GNAT3: variants seen among roughly 807,000 people sequenced by gnomAD.
GNAT3 encodes the protein G protein subunit alpha transducin 3.
Under a neutral mutation model 37.7 loss-of-function variants are expected in GNAT3, and 31 were observed. That is an observed-to-expected ratio of 0.82 (90% confidence interval 0.62 to 1.11). The LOEUF (loss-of-function observed/expected upper bound fraction) is 1.11. Ranked by LOEUF, GNAT3 falls within the 50% of genes most tolerant of loss-of-function variation. The pLI, the probability that GNAT3 is intolerant of heterozygous loss-of-function variation, is 0.00. For missense variants in GNAT3, 437 were observed against 412.5 expected (o/e 1.06, Z -0.51); for synonymous variants, 138 against 139.8 (o/e 0.99, Z 0.09).
At chr7:80,508,634 T>A (rs758388322) in intron 1 of GNAT3, among the ~76,000 whole-genome samples, 1 of 152,056 alleles carries the variant, frequency 6.6e-6, no homozygotes, top group Non-Finnish European at 1.5e-5. Context: ...AAAAGCCTAC[T>A]TTTTGCTAAA....
intron 3 of GNAT3, among the ~76,000 whole-genome samples, chr7:80,483,187 TC>T (rs902195000): frequency 2.6e-5 from 4 of 152,084 alleles, no homozygotes; most frequent in Non-Finnish European, 4.4e-5. Flanking sequence ...TTTAAAAGCT[TC>T]AAGGTGACGC....
intron 1 of GNAT3, among the ~76,000 whole-genome samples, chr7:80,503,728 G>C (rs80035116): frequency 0.021 from 3,130 of 152,282 alleles, 103 homozygotes; most frequent in African/African-American, 0.071. Context: ...GCAAAGTAAA[G>C]TTGGGAAATT....
chr7:80,473,109 A>C (rs948596134), intron 5 of GNAT3, among the ~76,000 whole-genome samples: 1 of 152,146 alleles, frequency 6.6e-6, no homozygotes, highest in African/African-American at 2.4e-5. Flanking sequence ...GCCAAAAAGA[A>C]CTATACAATA....
intron 5 of GNAT3, among the ~76,000 whole-genome samples, chr7:80,469,799 A>G (rs752415451): frequency 3.9e-5 from 6 of 152,244 alleles, no homozygotes; most frequent in Middle Eastern, 3.4e-3. Context: ...TTGAAATACT[A>G]CAGAATTGTA....
chr7:80,509,889 C>T (rs1296135449), intron 1 of GNAT3, among the ~76,000 whole-genome samples: 4 of 151,950 alleles, frequency 2.6e-5, no homozygotes, highest in Admixed American at 2.0e-4. Flanking sequence ...GTGTCCAACA[C>T]GATATGTTGA....
At chr7:80,460,818 A>G (rs1790035749) in intron 7 of GNAT3, among the ~76,000 whole-genome samples, 1 of 152,170 alleles carries the variant, frequency 6.6e-6, no homozygotes, top group East Asian at 1.9e-4. Context: ...AATATAATTC[A>G]TCAATTGTAA....
intron 3 of GNAT3, chr7:80,487,815 CTT>C: frequency 6.6e-6 from 1 of 151,804 alleles, no homozygotes; most frequent in Non-Finnish European, 1.5e-5. Context: ...CTCCGTTACT[CTT>C]TTTTTTGGGT....
chr7:80,468,229 A>G (rs1002478059), intron 5 of GNAT3, among the ~76,000 whole-genome samples: 13 of 152,072 alleles, frequency 8.5e-5, no homozygotes, highest in Non-Finnish European at 1.5e-4. Flanking sequence ...TTTACGGTTT[A>G]TGTTAAACAG....
intron 6 of GNAT3, 60 bp downstream of exon 6, chr7:80,462,442 T>C: frequency 6.3e-7 from 1 of 1,588,040 alleles, no homozygotes; most frequent in East Asian, 2.2e-5. Context: ...AATGTGGTAG[T>C]ACTACTGAAA....
At chr7:80,511,727 G>A (rs529422725) in intron 1 of GNAT3, 82 bp downstream of exon 1, 37 of 792,508 alleles carry the variant, frequency 4.7e-5, no homozygotes, top group South Asian at 2.3e-4. Context: ...TAATACACTC[G>A]AAATTAAAGT....
At chr7:80,497,670 A>G (rs1480946476) in intron 1 of GNAT3, among the ~76,000 whole-genome samples, 3 of 108,982 alleles carry the variant, frequency 2.8e-5, no homozygotes, top group Non-Finnish European at 5.3e-5. Context: ...ATACGTATAT[A>G]CATACATATA....
intron 2 of GNAT3, among the ~76,000 whole-genome samples, chr7:80,490,858 A>G (rs1336459793): frequency 6.6e-6 from 1 of 152,186 alleles, no homozygotes; most frequent in Admixed American, 6.5e-5. Context: ...CATGATGCTC[A>G]GCCTTCTATA....
chr7:80,498,919 T>C (rs192050787), intron 1 of GNAT3, among the ~76,000 whole-genome samples: 2 of 152,202 alleles, frequency 1.3e-5, no homozygotes, highest in Non-Finnish European at 2.9e-5. Context: ...TCTACATTTT[T>C]AAATCTGAAA....
intron 7 of GNAT3, among the ~76,000 whole-genome samples, chr7:80,460,952 A>T (rs1311433958): frequency 6.6e-6 from 1 of 151,904 alleles, no homozygotes; most frequent in Non-Finnish European, 1.5e-5. Flanking sequence ...TACACTAGAA[A>T]CTGCTCTAAG....
In GNAT3 at chr7:80,484,120, TG is replaced by T. The variant is rs1165743595; in HGVS notation, c.303+4414del. 7.2e-5 allele frequency among the ~76,000 whole-genome samples: 11 copies of T among 152,190 alleles called. No homozygotes were observed. In the East Asian group the frequency reaches 1.9e-3, roughly 27 times the overall value. On this transcript the variant is annotated intron_variant, in intron 3 of 7. Transcript: ENST00000398291. ...AGATTGTGTAACTTTGGGACTACAT[TG>T]TATAGAAAATAAAATATGTGTTTTC...
intron 1 of GNAT3, among the ~76,000 whole-genome samples, chr7:80,503,507 A>G (rs922061493): frequency 6.6e-6 from 1 of 152,326 alleles, no homozygotes; most frequent in East Asian, 1.9e-4. Flanking sequence ...AGATTTTCTC[A>G]TAGATTAAAG....
rs1387092774 is a variant in GNAT3 at position 80,478,848 on chromosome 7, C to T, written c.454G>A (p.Ala152Thr). Residue 152 changes from alanine to threonine, a missense_variant, in exon 4 of 8, where the codon GCA becomes ACA. By Grantham distance (58) the Ala-to-Thr change is moderately conservative. Transcript: ENST00000398291. ...TAAAGTGAATTCACTTACTAAGCTG[C>T]TGAGTCATTGAGCTGATATTCAGAT... The part of the protein sequence containing the change: ...RASEYQLNDS[A>T]AYYLNDLDRI... The T allele has an allele frequency of 1.9e-6, 3 of 1,612,720 alleles. No homozygotes were observed. Among genetic ancestry groups the T allele is most frequent in the African/African-American group, 1.3e-5 (1 of 74,860 alleles).
intron 5 of GNAT3, among the ~76,000 whole-genome samples, chr7:80,463,112 A>G (rs1241626495): frequency 6.6e-6 from 1 of 152,192 alleles, no homozygotes. Context: ...GTCTACTAGC[A>G]CAAAGATGAA....
rs1293681939 is a variant in GNAT3 at position 80,478,903 on chromosome 7, ATCTCTC to A, written c.393_398del (p.Trp131_Asp133delinsCys). 1 of 1,613,268 alleles carries A rather than the reference ATCTCTC, an allele frequency of 6.2e-7. No individual in the cohort carries two copies. The highest frequency in any genetic ancestry group is 8.5e-7 in the Non-Finnish European group (1 of 1,179,572). ...TTTCAAAGCAGGCCTGAATTCCTGG[ATCTCTC>A]CACAGCCGTTTTATTACCTCAGCCA... On this transcript the variant is annotated inframe_deletion, in exon 4 of 8. Transcript: ENST00000398291.
Sources: allele counts gnomAD v4.1 joint callset (sites outside exome capture counted in the v4.1 genomes callset), GRCh38; gene constraint gnomAD v4.1.1; transcripts MANE v1.5; gene names NCBI Gene and HGNC (gene_info 2026-07-23, HGNC 2026-07-21).